Variants in HERC2 observed in about 807,000 individuals in gnomAD.
HERC2 encodes HECT and RLD domain containing E3 ubiquitin protein ligase 2.
In HERC2, 102 loss-of-function variants were observed where a neutral mutation model predicts 537.7. The ratio of observed to expected loss-of-function variants is 0.19; its 90% CI spans 0.16 to 0.22. The LOEUF (loss-of-function observed/expected upper bound fraction) is 0.22, where lower values mean the gene tolerates loss of function less well. HERC2 is among the 10% of genes least tolerant of loss of function. The pLI is 1.00. For missense variants in HERC2, 4,236 were observed against 6,198.2 expected, an observed-to-expected ratio of 0.68 and a Z score of 10.63; for synonymous variants, 2,224 against 2,466.2, an observed-to-expected ratio of 0.90 and a Z score of 2.91.
chr15:28,125,716 C>T (rs1889403260), intron 83 of HERC2, among the ~76,000 whole-genome samples: 1 of 151,980 alleles, frequency 6.6e-6, no homozygotes, highest in Non-Finnish European at 1.5e-5. Flanking sequence ...ACTCTGTTGC[C>T]CAGGCTGGAG....
intron 83 of HERC2, among the ~76,000 whole-genome samples, chr15:28,128,438 CTG>C (rs1021472645): frequency 3.3e-5 from 5 of 152,198 alleles, no homozygotes; most frequent in Non-Finnish European, 5.9e-5. Context: ...TTGCTTCCAA[CTG>C]TGATTTGTCT....
intron 2 of HERC2, among the ~76,000 whole-genome samples, chr15:28,304,760 G>A (rs972300723): frequency 7.6e-6 from 1 of 132,152 alleles, no homozygotes; most frequent in Non-Finnish European, 1.6e-5. Context: ...TGCACATTGC[G>A]CAGGTTAATT....
intron 27 of HERC2, 65 bp from the exon 28 acceptor site, chr15:28,233,861 T>A: frequency 3.3e-6 from 5 of 1,525,270 alleles, no homozygotes; most frequent in Non-Finnish European, 4.5e-6. Context: ...ATCTTAAACA[T>A]GCCACAGCTT....
At chr15:28,166,141 A>G (rs1894116187) in intron 68 of HERC2, among the ~76,000 whole-genome samples, 1 of 152,254 alleles carries the variant, frequency 6.6e-6, no homozygotes, top group Non-Finnish European at 1.5e-5. Context: ...TCTAAAAAAC[A>G]GAAGAGAAAG....
chr15:28,314,863 G>GAAAAAAAAA (rs11324616), intron 2 of HERC2, among the ~76,000 whole-genome samples: 1 of 142,782 alleles, frequency 7.0e-6, no homozygotes. Flanking sequence ...TCCCTCTCAG[G>GAAAAAAAAA]AAAAAAAAAA....
Position 28,177,960 on chromosome 15 carries a change from T to C in HERC2, c.9164-451A>G, listed in dbSNP as rs1407001627. Among the ~76,000 whole-genome samples, 2 of 152,198 alleles carry C rather than the reference T, an allele frequency of 1.3e-5. No homozygotes were observed. The highest frequency in any genetic ancestry group is 4.8e-5 in the African/African-American group (2 of 41,458). ...ACTCTTCCCAAAACACGTCAGCTTA[T>C]GCTCTTTCCCCAGCATGGAATATTC... On this transcript the variant is annotated intron_variant, in intron 59 of 92. Coordinates refer to ENST00000261609, the MANE Select transcript of HERC2 (RefSeq NM_004667.6). The surrounding 1 kb of genome is among the most constrained non-coding windows in gnomAD (Gnocchi z 5.0).
Position 28,167,802 on chromosome 15 carries a change from G to A in HERC2, c.10439C>T (p.Thr3480Ile), listed in dbSNP as rs1401740539. 1.2e-6 allele frequency: 2 copies of A among 1,613,722 alleles called. No individual in the cohort carries two copies. The highest frequency in any genetic ancestry group is 1.3e-5 in the African/African-American group (1 of 74,892). ...REIVSSEDAV[T>I]PSAVTPSAPS... The stretch of plus-strand genomic sequence containing the variant: ...GGCCGACGGAGTCACTGCAGAGGGG[G>A]TCACTGCGTCCTCAGAGGAAACAAT... Residue 3480 changes from threonine (T) to isoleucine (I), a missense_variant, in exon 68 of 93, where the codon ACC (threonine) becomes ATC (isoleucine). Thr to Ile is a moderately conservative substitution (Grantham distance 89). Transcript: ENST00000261609.
At chr15:28,300,414 ATATT>A (rs1430937841) in intron 2 of HERC2, among the ~76,000 whole-genome samples, 1 of 149,896 alleles carries the variant, frequency 6.7e-6, no homozygotes, top group African/African-American at 2.5e-5. Flanking sequence ...GAAAAATAAA[ATATT>A]TATCGGTATT....
chr15:28,216,550 T>G (rs1381019341), intron 38 of HERC2, among the ~76,000 whole-genome samples: 1 of 96,840 alleles, frequency 1.0e-5, no homozygotes, highest in Non-Finnish European at 2.1e-5. Context: ...CCCTCCCACC[T>G]CCCCCACCCT....
intron 70 of HERC2, among the ~76,000 whole-genome samples, chr15:28,150,671 C>T (rs1213473420): frequency 6.8e-6 from 1 of 146,494 alleles, no homozygotes; most frequent in East Asian, 2.0e-4. Context: ...TCACCAACAA[C>T]GGCCACACAG....
At chr15:28,319,785 C>A (rs892267679) in intron 2 of HERC2, among the ~76,000 whole-genome samples, 1 of 152,050 alleles carries the variant, frequency 6.6e-6, no homozygotes, top group Non-Finnish European at 1.5e-5. Context: ...GACACTAGAA[C>A]TCATGTTTAG....
rs182581546 is a variant in HERC2, at chr15:28,267,614, G to A, written c.1598+851C>T. ...TCTGAATCCCTTACAACACTGTCAG[G>A]GTTGGGCTGTTCTGAGCTTGGCATA... On this transcript the variant is annotated intron_variant, in intron 12 of 92. Coordinates refer to ENST00000261609, the MANE Select transcript of HERC2 (RefSeq NM_004667.6). 6.5e-4 allele frequency among the ~76,000 whole-genome samples: 99 copies of A among 152,280 alleles called. 1 individual carries two copies. Among genetic ancestry groups the A allele is most frequent in the African/African-American group, 2.3e-3 (96 of 41,566 alleles).
intron 26 of HERC2, among the ~76,000 whole-genome samples, chr15:28,235,976 A>G (rs1163663313): frequency 6.6e-6 from 1 of 152,198 alleles, no homozygotes; most frequent in Admixed American, 6.5e-5. Flanking sequence ...GCCATCCTGA[A>G]ATATAACTGA....
At position 28,176,390 on chromosome 15, in the gene HERC2, C is replaced by G; in HGVS notation, c.9686+38G>C. ...CCCAGGTTCCCTGCACACACCTGCA[C>G]AAGCACACACAGTGTGACAGGGAGG... On this transcript the variant is annotated intron_variant, in intron 63 of 92. Coordinates refer to ENST00000261609, the MANE Select transcript of HERC2 (RefSeq NM_004667.6). The surrounding 1 kb of genome is among the most constrained non-coding windows in gnomAD (Gnocchi z 5.0). The G allele has an allele frequency of 6.2e-7, 1 of 1,606,726 alleles. No homozygotes were observed. Among genetic ancestry groups the G allele is most frequent in the Non-Finnish European group, 8.5e-7 (1 of 1,174,296 alleles).
In HERC2 at chr15:28,132,778, C is replaced by G. The variant is rs576250950; in HGVS notation, c.12283G>C (p.Asp4095His). The change falls in exon 80 of 93, where the codon GAT becomes CAT. Residue 4095 changes from aspartate (D) to histidine (H), a missense_variant. Coordinates refer to ENST00000261609, the MANE Select transcript of HERC2 (RefSeq NM_004667.6). ...IESLRGIEVV[D>H]VAAGGAHSAC... is the part of the protein sequence containing the mutation. The stretch of plus-strand genomic sequence containing the variant: ...CTGTGGGCTCCGCCAGCAGCAACAT[C>G]GACCACTTCAATTCCTCTCAGAGAC... The G allele has an allele frequency of 1.2e-6, 2 of 1,605,920 alleles. No homozygotes were observed. The highest frequency in any genetic ancestry group is 2.3e-5 in the East Asian group (1 of 43,992).
intron 20 of HERC2, among the ~76,000 whole-genome samples, chr15:28,253,266 C>G (rs2075142235): frequency 6.6e-6 from 1 of 152,172 alleles, no homozygotes. Context: ...GTCTGGCCTT[C>G]CAAAATAATG....
At chr15:28,137,327 C>A (rs986897033) in intron 78 of HERC2, among the ~76,000 whole-genome samples, 3 of 152,022 alleles carry the variant, frequency 2.0e-5, no homozygotes, top group African/African-American at 7.3e-5. Context: ...TATGTGTGCT[C>A]CTGTATACAG....
At chr15:28,235,168 A>G (rs1383725025) in intron 26 of HERC2, among the ~76,000 whole-genome samples, 2 of 152,072 alleles carry the variant, frequency 1.3e-5, no homozygotes, top group Admixed American at 1.3e-4. Flanking sequence ...TTTAGATTTT[A>G]GAGCACTCAG....
intron 57 of HERC2, among the ~76,000 whole-genome samples, chr15:28,180,255 C>T (rs1324652045): frequency 6.6e-6 from 1 of 152,156 alleles, no homozygotes; most frequent in Non-Finnish European, 1.5e-5. Context: ...CATGTTGTAG[C>T]CTAGAAGCAA....
Sources: allele counts gnomAD v4.1 joint callset (sites outside exome capture counted in the v4.1 genomes callset), GRCh38; gene constraint gnomAD v4.1.1; non-coding constraint Gnocchi (gnomAD v3.1); transcripts MANE v1.5; gene names NCBI Gene and HGNC (gene_info 2026-07-23, HGNC 2026-07-21).